GSTM5: variants seen among roughly 807,000 people sequenced by gnomAD.
The protein encoded by GSTM5 is GST class-mu 5.
A neutral mutation model predicts 29.0 loss-of-function variants in GSTM5; 24 were observed. That is an observed-to-expected ratio of 0.83 (90% CI 0.60 to 1.16). GSTM5 has a LOEUF of 1.16. Among genes scored for constraint, GSTM5 ranks in the 50% most tolerant of loss-of-function variants. The pLI is 0.00. For missense variants in GSTM5, 290 were observed against 263.0 expected (o/e 1.10, Z -0.71); for synonymous variants, 91 against 93.6 (o/e 0.97, Z 0.16).
Position 109,713,159 on chromosome 1 carries a change from C to G in GSTM5, c.153C>G (p.Phe51Leu). Residue 51 changes from phenylalanine to leucine, a missense_variant, in exon 3 of 8, where the codon TTC (phenylalanine) becomes TTG (leucine). Physicochemically the swap from Phe to Leu is conservative, Grantham distance 22. Transcript: ENST00000256593. ...GAAGCCAGTGGCTGAATGAAAAATT[C>G]AAGCTGGGCCTGGACTTTCCCAATG... ...YDRSQWLNEK[F>L]KLGLDFPNLP... 6.2e-7 allele frequency: 1 copy of G among 1,612,562 alleles called. No individual in the cohort carries two copies.
intron 5 of GSTM5, 180 bp from the exon 6 acceptor site, chr1:109,714,767 C>T (rs1648684299): frequency 4.6e-6 from 3 of 649,148 alleles, no homozygotes; most frequent in Admixed American, 2.7e-5. Flanking sequence ...GGTCTGGCAC[C>T]CAGTCAGAGT....
At position 109,712,275 on chromosome 1, in the gene GSTM5, G is replaced by T. The variant is rs1434911027; in HGVS notation, c.-38G>T. The T allele has an allele frequency of 3.1e-6, 5 of 1,613,128 alleles. No homozygotes were observed. The highest frequency in any genetic ancestry group is 4.2e-6 in the Non-Finnish European group (5 of 1,179,142). ...CCTCTCAAAGTCTGAGCCCCGCTCC[G>T]CTGATGCCTGTCTGCAGAATCCGCA... On this transcript the variant is annotated 5_prime_UTR_variant, in exon 1 of 8. Transcript: ENST00000256593.
At chr1:109,714,758 G>T (rs908037936) in intron 5 of GSTM5, 189 bp from the exon 6 acceptor site, 1 of 638,484 alleles carries the variant, frequency 1.6e-6, no homozygotes, top group Non-Finnish European at 2.8e-6. Flanking sequence ...TTCAGATAGG[G>T]TCTGGCACCC....
chr1:109,712,048 G>T (rs1049990190), upstream of GSTM5, among the ~76,000 whole-genome samples: 1 of 152,190 alleles, frequency 6.6e-6, no homozygotes, highest in African/African-American at 2.4e-5. Context: ...GGCGGGTTGG[G>T]GAAGCTGGCG....
intron 7 of GSTM5, chr1:109,715,898 TTCCTC>T: frequency 2.9e-6 from 2 of 683,052 alleles, no homozygotes; most frequent in Non-Finnish European, 4.9e-6. Context: ...TTTATCTTTC[TTCCTC>T]TCTTTTTTTC....
Position 109,713,711 on chromosome 1 carries a change from G to A in GSTM5, c.310G>A (p.Val104Ile), listed in dbSNP as rs756521706. The stretch of plus-strand genomic sequence containing the variant: ...TCGTGTGGACATTTTGGAGAACCAG[G>A]TTATGGATAACCACATGGAGCTGGT... ...KIRVDILENQ[V>I]MDNHMELVRL... Residue 104 changes from valine (V) to isoleucine (I), a missense_variant, in exon 5 of 8, where the codon GTT becomes ATT. Coordinates refer to ENST00000256593, the MANE Select transcript of GSTM5 (RefSeq NM_000851.4). 3.1e-6 allele frequency: 5 copies of A among 1,612,532 alleles called. No individual in the cohort carries two copies. The South Asian group carries it at 5.5e-5, about 18-fold the overall frequency.
intron 6 of GSTM5, 30 bp downstream of exon 6, chr1:109,715,072 T>A: frequency 6.2e-7 from 1 of 1,614,012 alleles, no homozygotes; most frequent in South Asian, 1.1e-5. Context: ...GGGAATGAGA[T>A]CTGTTTTACT....
rs539232064 is a variant in GSTM5, at chr1:109,712,579, C to G, written c.37-39C>G. 2.5e-6 allele frequency: 4 copies of G among 1,605,812 alleles called. No individual in the cohort carries two copies. The South Asian group carries it at 4.4e-5, about 18-fold the overall frequency. ...CAGAGAAAGTCACCAAGTCAGGGAC[C>G]CTCCATCTCTGACCCGAGCCGCGGG... On this transcript the variant is annotated intron_variant, in intron 1 of 7. Coordinates refer to ENST00000256593, the MANE Select transcript of GSTM5 (RefSeq NM_000851.4).
At position 109,713,199 on chromosome 1, in the gene GSTM5, G is replaced by C. The variant is rs201920628; in HGVS notation, c.177+16G>C. ...CTTTCCCAATGTAGGTGCAGGGGAA[G>C]GGGCGGTTTTGGGGGAAAGTGCGAC... On this transcript the variant is annotated intron_variant, in intron 3 of 7. Coordinates refer to ENST00000256593, the MANE Select transcript of GSTM5 (RefSeq NM_000851.4). The C allele has an allele frequency of 3.0e-5, 48 of 1,612,164 alleles. No homozygotes were observed. Among genetic ancestry groups the C allele is most frequent in the Non-Finnish European group, 4.0e-5 (47 of 1,179,836 alleles).
chr1:109,717,138 T>TA, intron 7 of GSTM5, 199 bp from the exon 8 acceptor site: 1 of 341,218 alleles, frequency 2.9e-6, no homozygotes, highest in Non-Finnish European at 5.3e-6. Flanking sequence ...TAGCTGTTAT[T>TA]ATGGTATAAC....
intron 3 of GSTM5, 78 bp from the exon 4 acceptor site, chr1:109,713,406 T>C: frequency 6.3e-7 from 1 of 1,593,700 alleles, no homozygotes. Flanking sequence ...TGGTCTCCTC[T>C]CTGCCCTTGC....
intron 1 of GSTM5, 130 bp downstream of exon 1, chr1:109,712,478 G>A: frequency 8.4e-7 from 1 of 1,195,168 alleles, no homozygotes; most frequent in Non-Finnish European, 1.2e-6. Flanking sequence ...GCATGACGCT[G>A]TGTGTGTGTT....
At chr1:109,715,317 G>T in intron 7 of GSTM5, 77 bp downstream of exon 7, 2 of 1,613,786 alleles carry the variant, frequency 1.2e-6, no homozygotes, top group Non-Finnish European at 1.7e-6. Context: ...CAGTCCTGGA[G>T]CTACACAAAG....
chr1:109,717,131 C>CG, intron 7 of GSTM5: 1 of 329,904 alleles, frequency 3.0e-6, no homozygotes, highest in South Asian at 6.3e-5. Flanking sequence ...TAAATGGTAG[C>CG]TGTTATTATG....
chr1:109,715,253 T>A lies in GSTM5; in HGVS notation c.567+13T>A, dbSNP rs377520590. 6.2e-6 allele frequency: 10 copies of A among 1,614,088 alleles called. No homozygotes were observed. In the African/African-American group the frequency reaches 1.3e-4, roughly 22 times the overall value. On this transcript the variant is annotated intron_variant, in intron 7 of 7. Transcript: ENST00000256593. ...CTCCCGCTTTGAGGTGATGCCCCCATCCTCCTTTCTCTTTGATGCCCCTTG... is the reference window on the plus strand; with the variant it reads ...CTCCCGCTTTGAGGTGATGCCCCCAACCTCCTTTCTCTTTGATGCCCCTTG...
At chr1:109,712,852 G>C in intron 2 of GSTM5, 159 bp downstream of exon 2, 2 of 945,792 alleles carry the variant, frequency 2.1e-6, no homozygotes, top group Non-Finnish European at 3.4e-6. Context: ...GGCCTTGCAA[G>C]GCAGAATGCT....
chr1:109,717,140 T>TAAA, intron 7 of GSTM5, 197 bp from the exon 8 acceptor site: 3 of 364,032 alleles, frequency 8.2e-6, no homozygotes, highest in South Asian at 5.9e-5. Flanking sequence ...GCTGTTATTA[T>TAAA]GGTATAACAT....
chr1:109,717,870 CCCTT>C lies in GSTM5; in HGVS notation c.*445_*448del, dbSNP rs1039748918. The C allele has an allele frequency of 6.1e-6, 1 of 163,540 alleles. No individual in the cohort carries two copies. The highest frequency in any genetic ancestry group is 2.4e-5 in the African/African-American group (1 of 41,616). The allele number at this position is 163,540 out of a possible 1,614,324, so 10.1% of individuals were successfully genotyped here. On this transcript the variant is annotated 3_prime_UTR_variant, in exon 8 of 8. Coordinates refer to ENST00000256593, the MANE Select transcript of GSTM5 (RefSeq NM_000851.4). ...ATGTCTTGTCTTATTCCCTGAGGCT[CCCTT>C]GACTCAGGACTGTGCTCGAATTGTG...
chr1:109,715,677 A>C, intron 7 of GSTM5: 1 of 526,266 alleles, frequency 1.9e-6, no homozygotes, highest in South Asian at 2.2e-5. Flanking sequence ...GCAGCTGGCA[A>C]TAGTAGGACT....
Sources: gnomAD v4.1 joint callset for allele counts (sites outside exome capture counted in the v4.1 genomes callset) on GRCh38, gnomAD v4.1.1 for gene constraint, MANE v1.5 for transcripts, NCBI Gene and HGNC (gene_info 2026-07-23, HGNC 2026-07-21) for gene names.